The following TBCD variants were observed in gnomAD, a reference collection of about 807,000 sequenced individuals.
The protein encoded by TBCD is tubulin folding cofactor D.
A neutral mutation model predicts 169.3 loss-of-function variants in TBCD; 105 were observed. The observed-to-expected ratio is 0.62, with a 90% CI of 0.53 to 0.73. The LOEUF (loss-of-function observed/expected upper bound fraction) is 0.73. Ranked by LOEUF, TBCD falls within the 30% of genes least tolerant of loss-of-function variation. TBCD has a pLI of 0.00. For missense variants in TBCD, 1,444 were observed against 1,600.1 expected, an observed-to-expected ratio of 0.90 and a Z score of 1.66; for synonymous variants, 700 against 643.9, an observed-to-expected ratio of 1.09 and a Z score of -1.32.
chr17:82,793,050 A>C (rs576600452), intron 7 of TBCD, among the ~76,000 whole-genome samples: 3 of 152,192 alleles, frequency 2.0e-5, no homozygotes, highest in Non-Finnish European at 4.4e-5. Flanking sequence ...GGTGTGAGCC[A>C]CTACACCCAG....
chr17:82,840,958 T>TTG (rs2054454493), intron 13 of TBCD, among the ~76,000 whole-genome samples: 1 of 71,372 alleles, frequency 1.4e-5, no homozygotes, highest in Non-Finnish European at 2.9e-5. Context: ...AAACTGGTTT[T>TTG]TTTTTTTTTT....
Position 82,832,014 on chromosome 17 carries a change from G to A in TBCD, c.1318+17080G>A, listed in dbSNP as rs147701658. The stretch of plus-strand genomic sequence containing the variant: ...CGCCTTCCAGAGCAGGCTGGGCACC[G>A]AGGGCGGCTTCCGGAGCTGGGCTCT... On this transcript the variant is annotated intron_variant, in intron 13 of 38. Coordinates refer to ENST00000355528, the MANE Select transcript of TBCD (RefSeq NM_005993.5). This position sits in a 1 kb window ranked among gnomAD's most constrained non-coding sequence, Gnocchi z 4.9. 48 of 1,612,590 alleles carry A rather than the reference G, an allele frequency of 3.0e-5. No homozygotes were observed. The African/African-American group carries it at 4.3e-4, about 14-fold the overall frequency.
chr17:82,839,255 T>C lies in TBCD; in HGVS notation c.1318+24321T>C, dbSNP rs140072267. On this transcript the variant is annotated intron_variant, in intron 13 of 38. Transcript: ENST00000355528. ...TAAATTCAGCTGTGTCTAATGTGTA[T>C]ACACCACACATATATATAACCCTAA... 2.4e-3 allele frequency among the ~76,000 whole-genome samples: 367 copies of C among 152,346 alleles called. 2 individuals carry two copies. Among genetic ancestry groups the C allele is most frequent in the Non-Finnish European group, 3.0e-3 (205 of 68,044 alleles).
At chr17:82,774,337 GC>G (rs1367733111) in intron 6 of TBCD, among the ~76,000 whole-genome samples, 10 of 152,298 alleles carry the variant, frequency 6.6e-5, no homozygotes, top group East Asian at 5.8e-4. Flanking sequence ...AGTGGACACA[GC>G]ACATGTTTCA....
At chr17:82,799,406 G>A (rs1295928810) in intron 8 of TBCD, among the ~76,000 whole-genome samples, 1 of 118,304 alleles carries the variant, frequency 8.5e-6, no homozygotes, top group Non-Finnish European at 1.6e-5. Context: ...TCGCGCCACA[G>A]CACTCTAGCC....
At chr17:82,838,984 C>A in intron 13 of TBCD, 2 of 985,110 alleles carry the variant, frequency 2.0e-6, no homozygotes, top group South Asian at 9.4e-5. Flanking sequence ...TCCTCCAAAT[C>A]AAGTTTATGA....
At chr17:82,929,611 ATC>A in intron 32 of TBCD, 111 bp downstream of exon 32, 1 of 1,442,568 alleles carries the variant, frequency 6.9e-7, no homozygotes, top group South Asian at 1.2e-5. Context: ...ATTGCTTTCT[ATC>A]TCTCTCGGGC....
chr17:82,820,400 C>T (rs1294201491), intron 13 of TBCD, among the ~76,000 whole-genome samples: 1 of 152,194 alleles, frequency 6.6e-6, no homozygotes, highest in African/African-American at 2.4e-5. Flanking sequence ...TTTGTATGAA[C>T]CCTATTTCCC....
chr17:82,761,342 A>C (rs775803758), intron 2 of TBCD, among the ~76,000 whole-genome samples: 4 of 152,186 alleles, frequency 2.6e-5, no homozygotes, highest in Non-Finnish European at 5.9e-5. Context: ...CACGATTATA[A>C]ATTTTTATTC....
chr17:82,804,231 G>A (rs1196197840), intron 9 of TBCD, among the ~76,000 whole-genome samples: 3 of 152,018 alleles, frequency 2.0e-5, no homozygotes, highest in South Asian at 2.1e-4. Context: ...GATGGTCTCC[G>A]CCACGGTCCT....
In TBCD at chr17:82,864,380, A is replaced by AGGT. The variant is rs1469208359; in HGVS notation, c.1319-5841_1319-5839dup. 6.6e-6 allele frequency: 1 copy of AGGT among 152,176 alleles called. No individual in the cohort carries two copies. Among genetic ancestry groups the AGGT allele is most frequent in the East Asian group, 1.9e-4 (1 of 5,194 alleles). The allele number at this position is 152,176 out of a possible 1,614,324, so 9.4% of individuals were successfully genotyped here. A position where few individuals can be genotyped will look rare whatever the true frequency, so the allele number is the denominator to read the frequency against. ...GTGCCGGCTCTCTGTGCTCTCCAGG[A>AGGT]GGTGGCCTTTCACAGCAGGGACGTT... is the stretch of plus-strand genomic sequence containing the variant. On this transcript the variant is annotated intron_variant, in intron 13 of 38. Coordinates refer to ENST00000355528, the MANE Select transcript of TBCD (RefSeq NM_005993.5). The surrounding 1 kb of genome is among the most constrained non-coding windows in gnomAD (Gnocchi z 6.3).
At chr17:82,937,089 G>A in intron 34 of TBCD, 182 bp from the exon 35 acceptor site, 1 of 600,084 alleles carries the variant, frequency 1.7e-6, no homozygotes, top group South Asian at 2.0e-5. Flanking sequence ...TAGGGACCAG[G>A]CCGGCCTGTG....
At chr17:82,826,803 T>C (rs1026516074) in intron 13 of TBCD, among the ~76,000 whole-genome samples, 4 of 151,858 alleles carry the variant, frequency 2.6e-5, no homozygotes, top group Admixed American at 2.6e-4. Flanking sequence ...TGAGAAAAGG[T>C]CTCACTCTGT....
At chr17:82,912,272 A>C (rs1300498172) in intron 23 of TBCD, among the ~76,000 whole-genome samples, 1 of 152,194 alleles carries the variant, frequency 6.6e-6, no homozygotes, top group Non-Finnish European at 1.5e-5. Context: ...AGCTCCTTAC[A>C]CACCCGAGTC....
intron 16 of TBCD, chr17:82,893,320 A>G: frequency 1.8e-6 from 1 of 548,504 alleles, no homozygotes; most frequent in Middle Eastern, 3.7e-4. Context: ...AATACTTGTG[A>G]GTGGTTTCAA....
Position 82,941,442 on chromosome 17 carries a change from T to C in TBCD, c.3523T>C (p.Cys1175Arg). 1.2e-6 allele frequency: 2 copies of C among 1,603,458 alleles called. No homozygotes were observed. Among genetic ancestry groups the C allele is most frequent in the Non-Finnish European group, 1.7e-6 (2 of 1,176,890 alleles). Reference sequence around the variant, plus strand: ...GGTGAGAGAGCAGCGCAACCGTCTGTGTGACCTTCTGGGCGTACCCAGGCC... The same window carrying C: ...GGTGAGAGAGCAGCGCAACCGTCTGCGTGACCTTCTGGGCGTACCCAGGCC... ...AVVREQRNRLCDLLGVPRPQL... is the reference protein window; with the variant it reads ...AVVREQRNRLRDLLGVPRPQL... The change falls in exon 38 of 39, where the codon TGT (cysteine) becomes CGT (arginine). Residue 1175 changes from cysteine (C) to arginine (R), a missense_variant. Physicochemically the swap from Cys to Arg is radical, Grantham distance 180 (BLOSUM62 -3). Transcript: ENST00000355528.
Position 82,800,986 on chromosome 17 carries a change from G to A in TBCD, c.940G>A (p.Ala314Thr). Residue 314 changes from alanine to threonine, a missense_variant, in exon 9 of 39, where the codon GCA becomes ACA. Ala to Thr is a moderately conservative substitution (Grantham distance 58). Coordinates refer to ENST00000355528, the MANE Select transcript of TBCD (RefSeq NM_005993.5). The stretch of plus-strand genomic sequence containing the variant: ...GCTGACATTCCTGAAGCCGAAGGTG[G>A]CAGCATGGAGGTAGGCACCATGAGG... ...LGLTFLKPKVAAWRYQRGCRS... is the reference protein window; with the variant it reads ...LGLTFLKPKVTAWRYQRGCRS... The A allele has an allele frequency of 3.7e-6, 6 of 1,608,898 alleles. No individual in the cohort carries two copies. The highest frequency in any genetic ancestry group is 1.9e-4 in the Middle Eastern group (1 of 5,226).
At chr17:82,862,303 G>A (rs555331003) in intron 13 of TBCD, among the ~76,000 whole-genome samples, 35 of 151,982 alleles carry the variant, frequency 2.3e-4, no homozygotes, top group Admixed American at 7.9e-4. Flanking sequence ...ATGCAGGGGG[G>A]CTGCATAATG....
intron 14 of TBCD, among the ~76,000 whole-genome samples, chr17:82,876,341 C>T (rs776166096): frequency 2.0e-5 from 3 of 152,300 alleles, no homozygotes; most frequent in South Asian, 2.1e-4. Context: ...CACGTTTCAG[C>T]GCAGACAGGC....
Sources: allele counts gnomAD v4.1 joint callset (sites outside exome capture counted in the v4.1 genomes callset), GRCh38; gene constraint gnomAD v4.1.1; non-coding constraint Gnocchi (gnomAD v3.1); transcripts MANE v1.5; gene names NCBI Gene and HGNC (gene_info 2026-07-23, HGNC 2026-07-21).